The following ACOT1 variants were observed in gnomAD, a reference collection of about 807,000 sequenced individuals.
ACOT1 encodes the protein acyl-coenzyme A thioesterase 1.
Under a neutral mutation model 15.7 loss-of-function variants are expected in ACOT1, and 8 were observed. That is an observed-to-expected ratio of 0.51 (90% confidence interval 0.30 to 0.92). ACOT1 has a LOEUF of 0.92. Among genes scored for constraint, ACOT1 ranks in the 40% least tolerant of loss-of-function variants. ACOT1 has a pLI of 0.06. For missense variants in ACOT1, 151 were observed against 539.4 expected (o/e 0.28, Z 7.13); for synonymous variants, 67 against 241.2 (o/e 0.28, Z 6.69).
rs774911705 is a variant in ACOT1 at position 73,537,796 on chromosome 14, C to A, written c.375C>A (p.His125Gln). ...GGCGGCTGCTGTGCCGGGTGCGGCACGAGCGCTACTTCCTCCCGCCCGGGG... is the reference window on the plus strand; with the variant it reads ...GGCGGCTGCTGTGCCGGGTGCGGCAAGAGCGCTACTTCCTCCCGCCCGGGG... ...DPGRLLCRVR[H>Q]ERYFLPPGVR... Residue 125 changes from histidine (H) to glutamine (Q), a missense_variant, in exon 1 of 3, where the codon CAC becomes CAA. By Grantham distance (24) the His-to-Gln change is conservative (BLOSUM62 0). Transcript: ENST00000311148. 5 of 1,223,740 alleles carry A rather than the reference C, an allele frequency of 4.1e-6. 2 individuals are homozygous for A. The Admixed American group carries it at 1.3e-4, about 32-fold the overall frequency. 75.8% of individuals were successfully genotyped at this position (1,223,740 alleles called of 1,614,324 possible). A position where few individuals can be genotyped will look rare whatever the true frequency, so the allele number is the denominator to read the frequency against.
chr14:73,504,830 C>T, the ACOT1 span, among the ~76,000 whole-genome samples: 15,368 of 152,192 alleles, frequency 0.1, 1,156 homozygotes, highest in Non-Finnish European at 0.15. Context: ...GGAAAGCTCC[C>T]ATTTGGACAG....
the ACOT1 span, chr14:73,522,414 G>A: frequency 3.1e-5 from 50 of 1,614,108 alleles, no homozygotes; most frequent in Admixed American, 1.2e-4. Context: ...AGCTCATCCC[G>A]AATGTGACTC....
chr14:73,500,319 T>C, the ACOT1 span, among the ~76,000 whole-genome samples: 3 of 151,706 alleles, frequency 2.0e-5, no homozygotes, highest in African/African-American at 7.3e-5. Flanking sequence ...TCGTTAGTGT[T>C]AGTGTACTTT....
the ACOT1 span, chr14:73,512,032 C>T: frequency 3.9e-4 from 632 of 1,613,960 alleles, 1 homozygote; most frequent in African/African-American, 6.4e-3. Context: ...GGTGGCAATC[C>T]GGGGCCGTTC....
the ACOT1 span, chr14:73,496,714 C>T: frequency 8.5e-7 from 1 of 1,172,544 alleles, no homozygotes; most frequent in Non-Finnish European, 1.3e-6. Flanking sequence ...GATTATTCTA[C>T]CCTGCCCTTT....
At chr14:73,498,066 G>T in the ACOT1 span, 2 of 1,247,906 alleles carry the variant, frequency 1.6e-6, no homozygotes, top group Non-Finnish European at 2.2e-6. Context: ...CCATTAGGTA[G>T]CCTGGAAAGG....
At chr14:73,497,257 C>A in the ACOT1 span, among the ~76,000 whole-genome samples, 1 of 152,158 alleles carries the variant, frequency 6.6e-6, no homozygotes, top group Non-Finnish European at 1.5e-5. Context: ...CCAGGCTGGT[C>A]TAGAACTCCT....
At chr14:73,506,811 T>TTTTTTTG in the ACOT1 span, among the ~76,000 whole-genome samples, 132 of 130,458 alleles carry the variant, frequency 1.0e-3, 7 homozygotes, top group Admixed American at 2.1e-3. Flanking sequence ...ACTGTTTTTT[T>TTTTTTTG]TTTTTTTTTT....
chr14:73,491,151 G>A, the ACOT1 span: 6 of 1,607,652 alleles, frequency 3.7e-6, no homozygotes, highest in Non-Finnish European at 5.1e-6. Context: ...CAGCTGCGAA[G>A]TGTTGTATCC....
chr14:73,501,191 T>C, the ACOT1 span, among the ~76,000 whole-genome samples: 111 of 152,170 alleles, frequency 7.3e-4, no homozygotes, highest in African/African-American at 2.5e-3. Context: ...GGATCTTGGC[T>C]TACTGCAAGC....
the ACOT1 span, among the ~76,000 whole-genome samples, chr14:73,524,653 G>T: frequency 3.7e-3 from 558 of 149,532 alleles, 1 homozygote; most frequent in South Asian, 9.3e-3. Context: ...GAGGAGTCAG[G>T]TTTCAAATCT....
At chr14:73,512,418 T>C in the ACOT1 span, among the ~76,000 whole-genome samples, 1 of 152,192 alleles carries the variant, frequency 6.6e-6, no homozygotes. Flanking sequence ...TGTAACCATC[T>C]GGGAAATAAA....
the ACOT1 span, among the ~76,000 whole-genome samples, chr14:73,517,685 G>A: frequency 4.0e-5 from 5 of 125,528 alleles, no homozygotes; most frequent in African/African-American, 6.1e-5. Context: ...AAAAAAAGAA[G>A]AAGAAAAGAG....
chr14:73,539,049 C>A lies in ACOT1; in HGVS notation c.457+1171C>A, dbSNP rs1888982412. On this transcript the variant is annotated intron_variant, in intron 1 of 2. Coordinates refer to ENST00000311148, the MANE Select transcript of ACOT1 (RefSeq NM_001037161.2). ...TCAATGTTCTTATTTATGTATGGAC[C>A]AGGAAGTCACTTTTTTTTTTAATAA... Among the ~76,000 whole-genome samples, 2 of 115,476 alleles carry A rather than the reference C, an allele frequency of 1.7e-5. 1 individual carries two copies. Among genetic ancestry groups the A allele is most frequent in the Non-Finnish European group, 3.8e-5 (2 of 52,702 alleles). The allele number at this position is 115,476 out of a possible 152,430, so 75.8% of individuals were successfully genotyped here. A position where few individuals can be genotyped will look rare whatever the true frequency, so the allele number is the denominator to read the frequency against.
the ACOT1 span, chr14:73,491,336 G>A: frequency 6.8e-7 from 1 of 1,463,264 alleles, no homozygotes; most frequent in Non-Finnish European, 9.0e-7. Flanking sequence ...AGAGCTGCTG[G>A]AGGCCTCGCC....
chr14:73,521,010 G>C, the ACOT1 span: 3 of 1,613,652 alleles, frequency 1.9e-6, no homozygotes, highest in Non-Finnish European at 2.5e-6. Context: ...GATCTCAACT[G>C]TCTCTGCTTG....
chr14:73,495,383 T>G, the ACOT1 span: 1 of 1,611,916 alleles, frequency 6.2e-7, no homozygotes, highest in Non-Finnish European at 8.5e-7. Context: ...GCTTAGTGTT[T>G]TAATCTAAAT....
At chr14:73,534,782 T>A (rs1280194925), upstream of ACOT1, among the ~76,000 whole-genome samples, 6 of 112,684 alleles carry the variant, frequency 5.3e-5, 2 homozygotes, top group African/African-American at 1.4e-4. Context: ...GTGTTTTTTT[T>A]AATTTTCATG....
At chr14:73,504,591 C>A in the ACOT1 span, among the ~76,000 whole-genome samples, 1 of 152,150 alleles carries the variant, frequency 6.6e-6, no homozygotes, top group Non-Finnish European at 1.5e-5. Flanking sequence ...TGCTGCTGGT[C>A]CAGGACTTTA....
Sources: gnomAD v4.1 joint callset for allele counts (sites outside exome capture counted in the v4.1 genomes callset) on GRCh38, gnomAD v4.1.1 for gene constraint, MANE v1.5 for transcripts, NCBI Gene and HGNC (gene_info 2026-07-23, HGNC 2026-07-21) for gene names.